The following NFIA variants were observed in gnomAD, a reference collection of about 807,000 sequenced individuals.
NFIA encodes nuclear factor I A, also known as nuclear factor 1 A-type.
Under a neutral mutation model 62.8 loss-of-function variants are expected in NFIA, and 8 were observed. The observed-to-expected ratio is 0.13, with a 90% CI of 0.07 to 0.23. The LOEUF (loss-of-function observed/expected upper bound fraction) is 0.23, where lower values mean the gene tolerates loss of function less well. NFIA is among the 10% of genes least tolerant of loss of function. NFIA has a pLI of 1.00. For missense variants in NFIA, 410 were observed against 642.1 expected (o/e 0.64, Z 3.91); for synonymous variants, 235 against 238.1 (o/e 0.99, Z 0.12).
chr1:61,362,141 A>G (rs1457689535), intron 6 of NFIA, among the ~76,000 whole-genome samples: 1 of 151,692 alleles, frequency 6.6e-6, no homozygotes, highest in African/African-American at 2.4e-5. Flanking sequence ...CTTTTTGGGG[A>G]TTTTCCATAA....
At position 61,461,644 on chromosome 1, in the gene NFIA, G is replaced by T. The variant is rs1021821429; in HGVS notation, c.*6324G>T. 1.3e-5 allele frequency: 2 copies of T among 152,202 alleles called. No homozygotes were observed. Among genetic ancestry groups the T allele is most frequent in the Non-Finnish European group, 2.9e-5 (2 of 68,030 alleles). The allele number at this position is 152,202 out of a possible 1,614,324, so 9.4% of individuals were successfully genotyped here. On this transcript the variant is annotated 3_prime_UTR_variant, in exon 11 of 11. Coordinates refer to ENST00000403491, the MANE Select transcript of NFIA (RefSeq NM_001134673.4). ...CTGGTCGTGAGAACAGGGAGACAGT[G>T]TGTGGGGGTGGGACCTCATCTGTGT...
intron 2 of NFIA, among the ~76,000 whole-genome samples, chr1:61,110,696 T>A (rs1467965217): frequency 6.6e-6 from 1 of 152,074 alleles, no homozygotes; most frequent in East Asian, 1.9e-4. Context: ...AGGATTTATA[T>A]GTCAGACTGA....
At chr1:61,445,249 G>A (rs1667756716) in intron 10 of NFIA, among the ~76,000 whole-genome samples, 1 of 152,168 alleles carries the variant, frequency 6.6e-6, no homozygotes, top group Admixed American at 6.5e-5. Flanking sequence ...TACATGTCCA[G>A]GTTGTTGGTA....
intron 2 of NFIA, among the ~76,000 whole-genome samples, chr1:61,192,400 T>C (rs1651696822): frequency 6.6e-6 from 1 of 151,984 alleles, no homozygotes; most frequent in Non-Finnish European, 1.5e-5. Flanking sequence ...TTTTTGGAGG[T>C]TTAAAATGTC....
chr1:61,235,466 A>ATAAATAAATAAG (rs1453376597), intron 2 of NFIA, among the ~76,000 whole-genome samples: 2 of 110,334 alleles, frequency 1.8e-5, no homozygotes, highest in African/African-American at 6.9e-5. Context: ...CCATCTCAAA[A>ATAAATAAATAAG]TAAATAAATA....
intron 2 of NFIA, among the ~76,000 whole-genome samples, chr1:61,220,090 C>A (rs867788211): frequency 4.9e-4 from 74 of 152,328 alleles, no homozygotes; most frequent in African/African-American, 1.7e-3. Flanking sequence ...TTTTATGCCC[C>A]TGTCTTTCTG....
chr1:61,331,761 C>T (rs1315076385), intron 3 of NFIA, among the ~76,000 whole-genome samples: 3 of 152,074 alleles, frequency 2.0e-5, no homozygotes, highest in African/African-American at 7.2e-5. Flanking sequence ...CTGAATGCAT[C>T]ATAAAATTAA....
At chr1:61,091,785 T>G (rs1332092946) in intron 2 of NFIA, among the ~76,000 whole-genome samples, 2 of 152,146 alleles carry the variant, frequency 1.3e-5, no homozygotes, top group African/African-American at 4.8e-5. Context: ...CATTTGACCT[T>G]TTAGATAAAG....
chr1:61,341,837 G>A lies in NFIA; in HGVS notation c.700+9251G>A, dbSNP rs1388162466. The stretch of plus-strand genomic sequence containing the variant: ...ACTCATAAGCCTCAACTTTTTAATG[G>A]TGGATATTCATATCCAGTAGTAACA... On this transcript the variant is annotated intron_variant, in intron 4 of 10. Coordinates refer to ENST00000403491, the MANE Select transcript of NFIA (RefSeq NM_001134673.4). Among the ~76,000 whole-genome samples the A allele has an allele frequency of 5.3e-5, 8 of 152,250 alleles. No homozygotes were observed. The South Asian group carries it at 1.5e-3, about 28-fold the overall frequency.
At chr1:61,228,604 A>G (rs1197852546) in intron 2 of NFIA, among the ~76,000 whole-genome samples, 1 of 152,200 alleles carries the variant, frequency 6.6e-6, no homozygotes, top group East Asian at 1.9e-4. Context: ...CATTTCTAAA[A>G]TTTTAAAATT....
intron 2 of NFIA, among the ~76,000 whole-genome samples, chr1:61,103,168 G>A (rs1646540953): frequency 6.6e-6 from 1 of 152,172 alleles, no homozygotes; most frequent in African/African-American, 2.4e-5. Context: ...CATGTGCAAA[G>A]ACATATGTGA....
chr1:61,279,507 G>A (rs1360551787), intron 3 of NFIA, among the ~76,000 whole-genome samples: 2 of 151,534 alleles, frequency 1.3e-5, no homozygotes, highest in East Asian at 1.9e-4. Context: ...GACTAGTTTC[G>A]TTCTTTATTT....
At chr1:61,233,735 A>G (rs150364833) in intron 2 of NFIA, among the ~76,000 whole-genome samples, 4 of 152,272 alleles carry the variant, frequency 2.6e-5, no homozygotes, top group Middle Eastern at 3.4e-3. Context: ...TAATAGACAT[A>G]AGTAAAAAAC....
chr1:61,443,076 G>A (rs1169274446), intron 10 of NFIA, among the ~76,000 whole-genome samples: 2 of 152,050 alleles, frequency 1.3e-5, no homozygotes, highest in East Asian at 3.8e-4. Flanking sequence ...TGAGTTCAGG[G>A]GATTGAGAAA....
intron 2 of NFIA, among the ~76,000 whole-genome samples, chr1:61,168,466 A>T (rs1393634697): frequency 5.9e-5 from 9 of 152,212 alleles, no homozygotes; most frequent in Non-Finnish European, 1.3e-4. Context: ...ATTAAATAAA[A>T]CAGCATTATT....
At chr1:61,433,573 T>C (rs1028664518) in intron 10 of NFIA, among the ~76,000 whole-genome samples, 2 of 152,084 alleles carry the variant, frequency 1.3e-5, no homozygotes, top group Non-Finnish European at 2.9e-5. Flanking sequence ...CACACCCTTA[T>C]GGTTTTGGGT....
intron 9 of NFIA, among the ~76,000 whole-genome samples, chr1:61,416,715 T>G (rs1200817727): frequency 6.6e-6 from 1 of 152,166 alleles, no homozygotes; most frequent in Admixed American, 6.5e-5. Flanking sequence ...TTCATATGCA[T>G]TACCTTAGTT....
At chr1:61,217,043 A>C (rs1383234258) in intron 2 of NFIA, among the ~76,000 whole-genome samples, 1 of 147,802 alleles carries the variant, frequency 6.8e-6, no homozygotes, top group Non-Finnish European at 1.5e-5. Flanking sequence ...CATTGATTAA[A>C]CTTTTTTTTT....
chr1:61,394,582 C>T (rs949543112), intron 7 of NFIA, among the ~76,000 whole-genome samples: 1 of 152,130 alleles, frequency 6.6e-6, no homozygotes, highest in Non-Finnish European at 1.5e-5. Flanking sequence ...ATTTTACAAC[C>T]AGAAGAGTCA....
Sources: gnomAD v4.1 joint callset for allele counts (sites outside exome capture counted in the v4.1 genomes callset) on GRCh38, gnomAD v4.1.1 for gene constraint, MANE v1.5 for transcripts, NCBI Gene and HGNC (gene_info 2026-07-23, HGNC 2026-07-21) for gene names.